KIAA1958: variants seen among roughly 807,000 people sequenced by gnomAD.
KIAA1958 encodes the protein uncharacterized protein KIAA1958.
In KIAA1958, 14 loss-of-function variants were observed where a neutral mutation model predicts 47.2. The observed-to-expected ratio is 0.30, with a 90% CI of 0.20 to 0.46. The LOEUF (loss-of-function observed/expected upper bound fraction) is 0.46, where lower values mean the gene tolerates loss of function less well. KIAA1958 is among the 20% of genes least tolerant of loss of function. KIAA1958 has a pLI of 1.00. For missense variants in KIAA1958, 803 were observed against 909.2 expected (o/e 0.88, Z 1.50); for synonymous variants, 354 against 353.3 (o/e 1.00, Z -0.02).
intron 2 of KIAA1958, among the ~76,000 whole-genome samples, chr9:112,644,463 A>C (rs1836944150): frequency 6.6e-6 from 1 of 152,222 alleles, no homozygotes; most frequent in Admixed American, 6.5e-5. Context: ...ATTCATCAAT[A>C]GTCCAGAGAG....
chr9:112,601,898 C>T (rs963193080), intron 2 of KIAA1958, among the ~76,000 whole-genome samples: 2 of 152,176 alleles, frequency 1.3e-5, no homozygotes, highest in Non-Finnish European at 2.9e-5. Flanking sequence ...TCATACTGGA[C>T]TAACATACTA....
intron 2 of KIAA1958, among the ~76,000 whole-genome samples, chr9:112,582,892 G>A (rs1338553346): frequency 6.6e-6 from 1 of 152,138 alleles, no homozygotes; most frequent in Non-Finnish European, 1.5e-5. Context: ...ACAATTCTCT[G>A]GCATTGACAG....
Position 112,665,995 on chromosome 9 carries a change from T to G in KIAA1958, c.*5926T>G, listed in dbSNP as rs567336334. 1 of 152,104 alleles carries G rather than the reference T, an allele frequency of 6.6e-6. No homozygotes were observed. Among genetic ancestry groups the G allele is most frequent in the Admixed American group, 6.5e-5 (1 of 15,268 alleles). 9.4% of individuals were successfully genotyped at this position (152,104 alleles called of 1,614,324 possible). A position where few individuals can be genotyped will look rare whatever the true frequency, so the allele number is the denominator to read the frequency against. ...CTGTCATAGAAAAATATACCTTTTT[T>G]TTTTTTTGAGACTCAGGAGTCTCAC... On this transcript the variant is annotated 3_prime_UTR_variant, in exon 4 of 4. Coordinates refer to ENST00000337530, the MANE Select transcript of KIAA1958 (RefSeq NM_133465.4).
intron 3 of KIAA1958, among the ~76,000 whole-genome samples, chr9:112,648,873 A>G (rs961020671): frequency 2.0e-4 from 31 of 152,232 alleles, no homozygotes; most frequent in African/African-American, 7.5e-4. Flanking sequence ...GCAAGAAAAT[A>G]CATCCCTTAA....
intron 2 of KIAA1958, among the ~76,000 whole-genome samples, chr9:112,613,354 G>A (rs1384231518): frequency 6.6e-6 from 1 of 152,060 alleles, no homozygotes; most frequent in Non-Finnish European, 1.5e-5. Flanking sequence ...CTAGGTGGAT[G>A]GCAGATCAAA....
intron 1 of KIAA1958, among the ~76,000 whole-genome samples, chr9:112,560,198 C>CTTTTTTTTTTTTTTT (rs745805478): frequency 9.2e-6 from 1 of 108,664 alleles, no homozygotes; most frequent in African/African-American, 3.7e-5. Flanking sequence ...TTTTCTTTTT[C>CTTTTTTTTTTTTTTT]TTTTTTTTTC....
chr9:112,619,960 C>T (rs1005292268), intron 2 of KIAA1958, among the ~76,000 whole-genome samples: 3 of 152,136 alleles, frequency 2.0e-5, no homozygotes, highest in South Asian at 4.1e-4. Flanking sequence ...GTATTCGACT[C>T]TGTGATTGAG....
chr9:112,500,368 T>C (rs979430646), intron 1 of KIAA1958, among the ~76,000 whole-genome samples: 1 of 152,216 alleles, frequency 6.6e-6, no homozygotes, highest in African/African-American at 2.4e-5. Flanking sequence ...CCCAAAGTGC[T>C]GGGATTACAG....
At chr9:112,561,590 C>T (rs1835332659) in intron 1 of KIAA1958, among the ~76,000 whole-genome samples, 1 of 152,112 alleles carries the variant, frequency 6.6e-6, no homozygotes, top group Non-Finnish European at 1.5e-5. Flanking sequence ...TGCAGTGGCT[C>T]ACCCCTGTAA....
chr9:112,559,995 AT>A (rs1261838265), intron 1 of KIAA1958, among the ~76,000 whole-genome samples: 1 of 152,106 alleles, frequency 6.6e-6, no homozygotes, highest in African/African-American at 2.4e-5. Flanking sequence ...AATTATATAA[AT>A]TAAAAAACAT....
intron 2 of KIAA1958, among the ~76,000 whole-genome samples, chr9:112,619,632 G>A (rs945144019): frequency 4.6e-5 from 7 of 152,130 alleles, no homozygotes; most frequent in Non-Finnish European, 1.0e-4. Flanking sequence ...AATACCCAAA[G>A]TCTAATATTT....
chr9:112,557,101 G>A (rs1401030634), intron 1 of KIAA1958, among the ~76,000 whole-genome samples: 2 of 151,966 alleles, frequency 1.3e-5, no homozygotes, highest in Non-Finnish European at 2.9e-5. Context: ...TGGGACTAAC[G>A]GCACGTACCA....
intron 1 of KIAA1958, among the ~76,000 whole-genome samples, chr9:112,545,342 T>C (rs1212972240): frequency 1.3e-5 from 2 of 152,216 alleles, no homozygotes; most frequent in African/African-American, 2.4e-5. Flanking sequence ...TTTGACTGCA[T>C]GGTAAATTGC....
At chr9:112,523,318 A>T (rs773545873) in intron 1 of KIAA1958, among the ~76,000 whole-genome samples, 7 of 152,118 alleles carry the variant, frequency 4.6e-5, no homozygotes, top group Non-Finnish European at 8.8e-5. Context: ...GGGCGTGGTG[A>T]TGTACACCTG....
At chr9:112,622,082 G>A (rs1588043699) in intron 2 of KIAA1958, among the ~76,000 whole-genome samples, 1 of 152,154 alleles carries the variant, frequency 6.6e-6, no homozygotes. Context: ...TTATCTAAAT[G>A]ATACTGAGAA....
chr9:112,531,376 A>G (rs1393301092), intron 1 of KIAA1958, among the ~76,000 whole-genome samples: 1 of 152,348 alleles, frequency 6.6e-6, no homozygotes, highest in Non-Finnish European at 1.5e-5. Flanking sequence ...CAACAAGAGT[A>G]AACTCCATCT....
intron 1 of KIAA1958, among the ~76,000 whole-genome samples, chr9:112,573,215 A>G (rs563297856): frequency 1.1e-4 from 17 of 152,182 alleles, no homozygotes; most frequent in African/African-American, 4.1e-4. Flanking sequence ...CTTCTATTTG[A>G]TAGTTGGTTA....
chr9:112,526,674 T>C (rs1405973088), intron 1 of KIAA1958, among the ~76,000 whole-genome samples: 1 of 152,106 alleles, frequency 6.6e-6, no homozygotes, highest in Non-Finnish European at 1.5e-5. Context: ...GAAGGCAAGA[T>C]GGTAAGAGAG....
chr9:112,620,972 G>A (rs1836495093), intron 2 of KIAA1958, among the ~76,000 whole-genome samples: 2 of 152,024 alleles, frequency 1.3e-5, no homozygotes, highest in African/African-American at 4.8e-5. Flanking sequence ...ACTTTGAAAA[G>A]GTGAGTTATC....
Sources: allele counts gnomAD v4.1 joint callset (sites outside exome capture counted in the v4.1 genomes callset), GRCh38; gene constraint gnomAD v4.1.1; transcripts MANE v1.5; gene names NCBI Gene and HGNC (gene_info 2026-07-23, HGNC 2026-07-21).